The following WDR17 variants were observed in gnomAD, a reference collection of about 807,000 sequenced individuals.
WDR17 encodes WD repeat-containing protein 17.
A neutral mutation model predicts 161.7 loss-of-function variants in WDR17; 143 were observed. That is an observed-to-expected ratio of 0.88 (90% confidence interval 0.77 to 1.02). The LOEUF (loss-of-function observed/expected upper bound fraction) is 1.02. Among genes scored for constraint, WDR17 ranks in the 50% least tolerant of loss-of-function variants. The pLI is 0.00. For synonymous variants in WDR17, 517 were observed against 515.6 expected, an observed-to-expected ratio of 1.00 and a Z score of -0.04; for missense variants, 1,469 against 1,520.9, an observed-to-expected ratio of 0.97 and a Z score of 0.57.
At chr4:176,161,283 A>G (rs1406538960) in intron 20 of WDR17, among the ~76,000 whole-genome samples, 1 of 152,230 alleles carries the variant, frequency 6.6e-6, no homozygotes, top group Non-Finnish European at 1.5e-5. Context: ...CTTAGAAACT[A>G]ATCAAACCTA....
In WDR17 at chr4:176,106,381, A is replaced by T. The variant is rs146668739; in HGVS notation, c.-6-5194A>T. The stretch of plus-strand genomic sequence containing the variant: ...GAGTGGCAATACCATTCAATGCAGA[A>T]AGGCCAGTCTTAACATATGGTGCTG... On this transcript the variant is annotated intron_variant, in intron 1 of 28. Coordinates refer to ENST00000508596, the MANE Select transcript of WDR17 (RefSeq NM_181265.4). Among the ~76,000 whole-genome samples, 210 of 152,246 alleles carry T rather than the reference A, an allele frequency of 1.4e-3. 3 individuals carry two copies. Among genetic ancestry groups the T allele is most frequent in the East Asian group, 0.013 (67 of 5,184 alleles).
At chr4:176,098,453 A>T (rs999758042) in intron 1 of WDR17, among the ~76,000 whole-genome samples, 4 of 152,030 alleles carry the variant, frequency 2.6e-5, no homozygotes, top group Non-Finnish European at 5.9e-5. Flanking sequence ...TATATGTGAC[A>T]TATTTTGTAG....
chr4:176,103,291 CA>C (rs1300118051), intron 1 of WDR17, among the ~76,000 whole-genome samples: 3 of 151,948 alleles, frequency 2.0e-5, no homozygotes, highest in African/African-American at 7.3e-5. Context: ...AGACAGCCCA[CA>C]ACAATTGAAA....
At chr4:176,145,744 A>G (rs985084892) in intron 11 of WDR17, among the ~76,000 whole-genome samples, 2 of 152,212 alleles carry the variant, frequency 1.3e-5, no homozygotes, top group Non-Finnish European at 2.9e-5. Context: ...ATTACCTCTG[A>G]CCTAAAATAA....
intron 21 of WDR17, 53 bp downstream of exon 21, chr4:176,162,227 T>C (rs2126852975): frequency 6.5e-7 from 1 of 1,529,604 alleles, no homozygotes; most frequent in Non-Finnish European, 9.0e-7. Context: ...AGATATGTCA[T>C]GGTGTTTGAG....
chr4:176,168,851 A>G, intron 23 of WDR17, 68 bp downstream of exon 23: 1 of 1,534,200 alleles, frequency 6.5e-7, no homozygotes, highest in Non-Finnish European at 8.8e-7. Context: ...TGTAGGTTCA[A>G]GCAAATAGAG....
At chr4:176,093,509 T>C (rs1337156541) in intron 1 of WDR17, among the ~76,000 whole-genome samples, 4 of 152,184 alleles carry the variant, frequency 2.6e-5, no homozygotes, top group Non-Finnish European at 4.4e-5. Context: ...TTACTGATAT[T>C]TAATATTTTA....
intron 18 of WDR17, among the ~76,000 whole-genome samples, chr4:176,156,465 T>C (rs1235478552): frequency 2.6e-5 from 4 of 152,168 alleles, no homozygotes; most frequent in African/African-American, 4.8e-5. Context: ...TTCTGAAGGT[T>C]AGCATAGGTT....
chr4:176,173,445 C>T, intron 25 of WDR17, 76 bp downstream of exon 25: 1 of 922,580 alleles, frequency 1.1e-6, no homozygotes, highest in Non-Finnish European at 1.7e-6. Flanking sequence ...TTTTGGTATT[C>T]AGATCGGGAA....
chr4:176,129,114 A>C (rs1367716028), intron 6 of WDR17, among the ~76,000 whole-genome samples: 1 of 152,144 alleles, frequency 6.6e-6, no homozygotes, highest in Non-Finnish European at 1.5e-5. Context: ...CAGATTATCT[A>C]CATGGAAAAG....
intron 6 of WDR17, among the ~76,000 whole-genome samples, chr4:176,130,638 G>A (rs1029109846): frequency 3.3e-5 from 5 of 151,618 alleles, no homozygotes; most frequent in South Asian, 2.1e-4. Context: ...CCAGCTACTG[G>A]GGAGGCTGAG....
At chr4:176,130,997 A>T (rs1473141113) in intron 6 of WDR17, among the ~76,000 whole-genome samples, 1 of 152,144 alleles carries the variant, frequency 6.6e-6, no homozygotes, top group Non-Finnish European at 1.5e-5. Context: ...GTAAAAAGAA[A>T]AAACAAACAA....
chr4:176,162,248 A>G, intron 21 of WDR17, 74 bp downstream of exon 21: 3 of 1,348,640 alleles, frequency 2.2e-6, no homozygotes, highest in Admixed American at 2.0e-5. Flanking sequence ...AGGAAAAGAT[A>G]TGGTGACTTT....
intron 1 of WDR17, among the ~76,000 whole-genome samples, chr4:176,105,340 A>G (rs774044117): frequency 2.0e-5 from 3 of 152,102 alleles, no homozygotes; most frequent in Non-Finnish European, 4.4e-5. Context: ...AAGGAAACTG[A>G]GGACTCAAAC....
intron 3 of WDR17, 133 bp from the exon 4 acceptor site, chr4:176,119,734 C>T: frequency 1.2e-6 from 1 of 814,316 alleles, no homozygotes; most frequent in Non-Finnish European, 1.9e-6. Context: ...TTTATAAATC[C>T]AATTCCCAAA....
At chr4:176,172,691 C>T (rs1327445419) in intron 24 of WDR17, among the ~76,000 whole-genome samples, 175 bp downstream of exon 24, 1 of 152,148 alleles carries the variant, frequency 6.6e-6, no homozygotes, top group African/African-American at 2.4e-5. Flanking sequence ...GTACCGGAAG[C>T]ATGGCACTGG....
chr4:176,131,599 G>A lies in WDR17; in HGVS notation c.959G>A (p.Ser320Asn). 2 of 1,611,414 alleles carry A rather than the reference G, an allele frequency of 1.2e-6. No homozygotes were observed. Among genetic ancestry groups the A allele is most frequent in the Non-Finnish European group, 1.7e-6 (2 of 1,178,648 alleles). The stretch of plus-strand genomic sequence containing the variant: ...AAAAATCATTATACATCCTCAACAA[G>A]CGAAGCAGTTCCACCCCCAACTTTA... Reference protein sequence around the residue: ...PTKNHYTSSTSEAVPPPTLTQ... With the variant: ...PTKNHYTSSTNEAVPPPTLTQ... The change falls in exon 7 of 29, where the codon AGC becomes AAC. Residue 320 changes from serine to asparagine, a missense_variant. By Grantham distance (46) the Ser-to-Asn change is conservative (BLOSUM62 1). Transcript: ENST00000508596.
chr4:176,088,779 C>T (rs1402815656), intron 1 of WDR17, among the ~76,000 whole-genome samples: 1 of 152,140 alleles, frequency 6.6e-6, no homozygotes, highest in African/African-American at 2.4e-5. Context: ...AGAAAGACTT[C>T]TGTTTTCATT....
intron 2 of WDR17, among the ~76,000 whole-genome samples, chr4:176,113,094 C>A (rs948592422): frequency 6.6e-6 from 1 of 151,920 alleles, no homozygotes; most frequent in South Asian, 2.1e-4. Context: ...TTCATTTTCA[C>A]CCCCTTCATA....
Sources: allele counts gnomAD v4.1 joint callset (sites outside exome capture counted in the v4.1 genomes callset), GRCh38; gene constraint gnomAD v4.1.1; transcripts MANE v1.5; gene names NCBI Gene and HGNC (gene_info 2026-07-23, HGNC 2026-07-21).